ARHGAP20: variants seen among roughly 807,000 people sequenced by gnomAD.
ARHGAP20 encodes the protein Rho GTPase activating protein 20.
A neutral mutation model predicts 73.7 loss-of-function variants in ARHGAP20; 34 were observed. That is an observed-to-expected ratio of 0.46 (90% CI 0.35 to 0.61). The LOEUF is 0.61. Among genes scored for constraint, ARHGAP20 ranks in the 20% least tolerant of loss-of-function variants. ARHGAP20 has a pLI of 0.00. For missense variants in ARHGAP20, 1,314 were observed against 1,420.9 expected, an observed-to-expected ratio of 0.92 and a Z score of 1.21; for synonymous variants, 523 against 518.2, an observed-to-expected ratio of 1.01 and a Z score of -0.13.
rs745669809 is a variant in ARHGAP20 at position 110,688,999 on chromosome 11, G to GTTT, written c.188+1545_188+1547dup. ...TGAAAAACTTCCATACTTTCATATA[G>GTTT]TTTTTTTTTTTTTTTTGGAGATGGA... On this transcript the variant is annotated intron_variant, in intron 2 of 14. Transcript: ENST00000683387. 6.3e-4 allele frequency among the ~76,000 whole-genome samples: 86 copies of GTTT among 137,598 alleles called. 1 individual carries two copies. Among genetic ancestry groups the GTTT allele is most frequent in the Admixed American group, 1.1e-3 (15 of 13,728 alleles). The allele number at this position is 137,598 out of a possible 152,430, so 90.3% of individuals were successfully genotyped here. A position where few individuals can be genotyped will look rare whatever the true frequency, so the allele number is the denominator to read the frequency against.
At chr11:110,639,728 G>T (rs1009308246) in intron 2 of ARHGAP20, among the ~76,000 whole-genome samples, 3 of 151,894 alleles carry the variant, frequency 2.0e-5, no homozygotes, top group African/African-American at 7.2e-5. Flanking sequence ...TTAGCATAAG[G>T]TATTCAAGAT....
At chr11:110,681,339 C>A (rs1270129086) in intron 2 of ARHGAP20, among the ~76,000 whole-genome samples, 1 of 152,092 alleles carries the variant, frequency 6.6e-6, no homozygotes, top group Non-Finnish European at 1.5e-5. Context: ...TTATAAAATT[C>A]CAAAAAGTCT....
intron 9 of ARHGAP20, among the ~76,000 whole-genome samples, chr11:110,598,830 C>A (rs2134852866): frequency 6.6e-6 from 1 of 152,238 alleles, no homozygotes; most frequent in African/African-American, 2.4e-5. Context: ...TGCAGACACC[C>A]AAGCCATGGC....
chr11:110,648,226 T>TATGTAA (rs1949261344), intron 2 of ARHGAP20, among the ~76,000 whole-genome samples: 1 of 79,310 alleles, frequency 1.3e-5, no homozygotes, highest in African/African-American at 6.4e-5. Context: ...TATATGTATA[T>TATGTAA]ATATATATAT....
At chr11:110,646,687 T>C (rs1949200981) in intron 2 of ARHGAP20, among the ~76,000 whole-genome samples, 1 of 152,160 alleles carries the variant, frequency 6.6e-6, no homozygotes, top group South Asian at 2.1e-4. Flanking sequence ...TTTTATTTTT[T>C]AAATCCCAAA....
At chr11:110,586,361 T>C (rs1450758207) in intron 11 of ARHGAP20, 36 bp from the exon 12 acceptor site, 3 of 1,310,092 alleles carry the variant, frequency 2.3e-6, no homozygotes, top group Non-Finnish European at 3.2e-6. Flanking sequence ...TTCAAATAAT[T>C]ATCCTCATGC....
At chr11:110,589,515 G>C (rs1947766967) in intron 11 of ARHGAP20, 7 of 985,412 alleles carry the variant, frequency 7.1e-6, no homozygotes, top group Non-Finnish European at 8.4e-6. Context: ...ATACAGGCTG[G>C]GGCCTTGTCT....
chr11:110,711,694 C>T (rs765083166), intron 1 of ARHGAP20: 2 of 1,446,766 alleles, frequency 1.4e-6, no homozygotes, highest in East Asian at 2.9e-5. Context: ...GGGCAGACAT[C>T]GCCGGCCCTG....
At chr11:110,602,439 A>G (rs958840857) in intron 9 of ARHGAP20, among the ~76,000 whole-genome samples, 3 of 152,322 alleles carry the variant, frequency 2.0e-5, no homozygotes, top group African/African-American at 4.8e-5. Context: ...CTCCCAACTC[A>G]TAAGAAAGCA....
At chr11:110,664,306 T>C (rs1489099398) in intron 2 of ARHGAP20, among the ~76,000 whole-genome samples, 4 of 152,128 alleles carry the variant, frequency 2.6e-5, no homozygotes, top group Non-Finnish European at 5.9e-5. Context: ...AAACAATCCA[T>C]TGAAGCTAAC....
intron 2 of ARHGAP20, among the ~76,000 whole-genome samples, chr11:110,673,785 C>A (rs533105746): frequency 3.9e-5 from 6 of 152,272 alleles, no homozygotes; most frequent in Non-Finnish European, 7.3e-5. Flanking sequence ...AGTTAAGTTT[C>A]TTAAACCTAG....
intron 2 of ARHGAP20, among the ~76,000 whole-genome samples, chr11:110,675,512 G>C (rs1419193617): frequency 1.3e-5 from 2 of 152,152 alleles, no homozygotes; most frequent in African/African-American, 4.8e-5. Flanking sequence ...GAGGAGGAAG[G>C]ATGGCTTCAG....
At chr11:110,615,069 G>A (rs564767546) in intron 5 of ARHGAP20, among the ~76,000 whole-genome samples, 15 of 152,108 alleles carry the variant, frequency 9.9e-5, no homozygotes, top group South Asian at 2.1e-4. Context: ...ATCCTATAGC[G>A]TGGAGAGGGA....
chr11:110,618,687 GAT>G (rs1439453660), intron 4 of ARHGAP20, among the ~76,000 whole-genome samples: 3 of 151,750 alleles, frequency 2.0e-5, no homozygotes, highest in Admixed American at 6.6e-5. Context: ...TATATGCAGT[GAT>G]AGAGTATATG....
At chr11:110,674,534 T>C (rs906262864) in intron 2 of ARHGAP20, among the ~76,000 whole-genome samples, 24 of 152,220 alleles carry the variant, frequency 1.6e-4, no homozygotes, top group African/African-American at 5.8e-4. Flanking sequence ...TGCAAAATTA[T>C]TTAAAATATT....
rs1249261195 is a variant in ARHGAP20 at position 110,711,621 on chromosome 11, G to T, written c.105+506C>A. 4.7e-6 allele frequency: 7 copies of T among 1,488,168 alleles called. No homozygotes were observed. The Admixed American group carries it at 6.6e-5, about 14-fold the overall frequency. 92.2% of individuals were successfully genotyped at this position (1,488,168 alleles called of 1,614,324 possible). On this transcript the variant is annotated intron_variant, in intron 1 of 14. Coordinates refer to ENST00000683387, the MANE Select transcript of ARHGAP20 (RefSeq NM_001384657.1). Reference sequence around the variant, plus strand: ...GCCGCGCCTCGGCGGGCAGGTGAGGGGGCCGAGCCCACCAGCGCCGCAGCC... The same window carrying T: ...GCCGCGCCTCGGCGGGCAGGTGAGGTGGCCGAGCCCACCAGCGCCGCAGCC...
At chr11:110,676,855 T>C (rs1949942611) in intron 2 of ARHGAP20, among the ~76,000 whole-genome samples, 1 of 152,084 alleles carries the variant, frequency 6.6e-6, no homozygotes, top group South Asian at 2.1e-4. Context: ...TACAGATTTA[T>C]GGTGTATAAC....
intron 2 of ARHGAP20, among the ~76,000 whole-genome samples, chr11:110,677,618 C>A (rs527914259): frequency 1.8e-3 from 277 of 152,230 alleles, no homozygotes; most frequent in Non-Finnish European, 2.9e-3. Context: ...GCACTCCAGC[C>A]TGAGTGACAG....
chr11:110,701,632 G>T (rs1424963156), intron 1 of ARHGAP20, among the ~76,000 whole-genome samples: 1 of 152,062 alleles, frequency 6.6e-6, no homozygotes, highest in East Asian at 1.9e-4. Context: ...ATTGCTTTTG[G>T]TGTTTTAGAC....
Sources: gnomAD v4.1 joint callset for allele counts (sites outside exome capture counted in the v4.1 genomes callset) on GRCh38, gnomAD v4.1.1 for gene constraint, MANE v1.5 for transcripts, NCBI Gene and HGNC (gene_info 2026-07-23, HGNC 2026-07-21) for gene names.